The following ITGB1 variants were observed in gnomAD, a reference collection of about 807,000 sequenced individuals.
The protein encoded by ITGB1 is integrin beta-1.
A neutral mutation model predicts 86.5 loss-of-function variants in ITGB1; 24 were observed. The ratio of observed to expected loss-of-function variants is 0.28; its 90% CI spans 0.20 to 0.39. The LOEUF (loss-of-function observed/expected upper bound fraction) is 0.39, where lower values mean the gene tolerates loss of function less well. ITGB1 is among the 10% of genes least tolerant of loss of function. ITGB1 has a pLI of 1.00. For synonymous variants in ITGB1, 323 were observed against 316.8 expected (o/e 1.02, Z -0.21); for missense variants, 556 against 946.9 (o/e 0.59, Z 5.42).
At position 32,901,562 on chromosome 10, in the gene ITGB1, G is replaced by A. The variant is rs371573244; in HGVS notation, c.*8C>T. ...CATTCAGTGTTGTGGGATTTGCACG[G>A]GCAGTACTCATTTTCCCTCATACTT... is the stretch of plus-strand genomic sequence containing the variant. On this transcript the variant is annotated 3_prime_UTR_variant, in exon 16 of 16. Coordinates refer to ENST00000302278, the MANE Select transcript of ITGB1 (RefSeq NM_002211.4). The A allele has an allele frequency of 5.8e-6, 9 of 1,549,562 alleles. No individual in the cohort carries two copies. Among genetic ancestry groups the A allele is most frequent in the Non-Finnish European group, 8.0e-6 (9 of 1,126,110 alleles).
At chr10:32,920,489 G>A (rs1394372499) in intron 9 of ITGB1, 104 bp from the exon 10 acceptor site, 4 of 987,416 alleles carry the variant, frequency 4.1e-6, no homozygotes, top group Admixed American at 2.4e-5. Flanking sequence ...TTTCAATAAA[G>A]TATCTACAAG....
chr10:32,924,660 TC>T (rs2094959445), intron 6 of ITGB1, among the ~76,000 whole-genome samples: 1 of 152,038 alleles, frequency 6.6e-6, no homozygotes, highest in Non-Finnish European at 1.5e-5. Context: ...GAGAATGCCC[TC>T]CCCACAACGA....
At chr10:32,945,981 G>C (rs954125513) in intron 1 of ITGB1, among the ~76,000 whole-genome samples, 1 of 152,096 alleles carries the variant, frequency 6.6e-6, no homozygotes, top group East Asian at 1.9e-4. Context: ...TATGTATTGA[G>C]GGTTATAATT....
At chr10:32,944,823 C>A in intron 1 of ITGB1, 1 of 979,774 alleles carries the variant, frequency 1.0e-6, no homozygotes, top group Non-Finnish European at 1.6e-6. Flanking sequence ...CCTCCCAAAA[C>A]TGTGGGCACT....
rs1210601662 is a variant in ITGB1, at chr10:32,908,267, G to A, written c.2331+101C>T. 73 of 1,148,982 alleles carry A rather than the reference G, an allele frequency of 6.4e-5. No homozygotes were observed. In the East Asian group the frequency reaches 1.7e-3, roughly 27 times the overall value. The allele number at this position is 1,148,982 out of a possible 1,614,324, so 71.2% of individuals were successfully genotyped here. A position where few individuals can be genotyped will look rare whatever the true frequency, so the allele number is the denominator to read the frequency against. On this transcript the variant is annotated intron_variant, in intron 15 of 15. Transcript: ENST00000302278. ...AACTTTTGGGGGAATAAAATACTTA[G>A]AAAGGACTTTAATAATCAGCCTGAC...
intron 8 of ITGB1, 132 bp from the exon 9 acceptor site, chr10:32,922,478 G>A: frequency 1.3e-6 from 1 of 782,244 alleles, no homozygotes. Flanking sequence ...GTCAAACCTA[G>A]AAACCAGTTT....
chr10:32,932,383 A>G, intron 3 of ITGB1, 132 bp downstream of exon 3: 2 of 604,182 alleles, frequency 3.3e-6, no homozygotes, highest in Non-Finnish European at 6.0e-6. Flanking sequence ...GTTGAACCAC[A>G]TAGCTCCAAA....
chr10:32,937,649 AAAGAT>A (rs1317907327), intron 1 of ITGB1, among the ~76,000 whole-genome samples: 8 of 152,272 alleles, frequency 5.3e-5, no homozygotes, highest in African/African-American at 1.9e-4. Context: ...CAAAAGAAAA[AAAGAT>A]GAGAAGAATA....
chr10:32,938,614 C>T (rs1031273775), intron 1 of ITGB1, among the ~76,000 whole-genome samples: 8 of 152,300 alleles, frequency 5.3e-5, no homozygotes, highest in East Asian at 3.9e-4. Context: ...GCTCCAAACC[C>T]GGAAGCAGGC....
chr10:32,955,565 C>T (rs752437622), intron 1 of ITGB1: 1 of 152,182 alleles, frequency 6.6e-6, no homozygotes, highest in Non-Finnish European at 1.5e-5. Flanking sequence ...TAAGCCATAA[C>T]TTACTTATCA....
chr10:32,911,682 C>T lies in ITGB1; in HGVS notation c.1709-12G>A, dbSNP rs367590858. Reference sequence around the variant, plus strand: ...GCAAACACCATTTCCTGCAATTAAGCATATCATTTCTCAAAATGGTAAAAA... The same window carrying T: ...GCAAACACCATTTCCTGCAATTAAGTATATCATTTCTCAAAATGGTAAAAA... On this transcript the variant is annotated splice_polypyrimidine_tract_variant and intron_variant, in intron 12 of 15. Transcript: ENST00000302278. 2.4e-5 allele frequency: 38 copies of T among 1,611,258 alleles called. No homozygotes were observed. In the African/African-American group the frequency reaches 2.5e-4, roughly 11 times the overall value.
intron 11 of ITGB1, among the ~76,000 whole-genome samples, chr10:32,912,973 AG>A (rs1289857980): frequency 1.3e-5 from 2 of 152,224 alleles, no homozygotes; most frequent in Non-Finnish European, 2.9e-5. Context: ...TTCCAGAGGA[AG>A]GATCAGGCAG....
chr10:32,951,554 T>C (rs940281422), intron 1 of ITGB1: 8 of 151,912 alleles, frequency 5.3e-5, no homozygotes, highest in African/African-American at 1.9e-4. Context: ...AGCAGAAAAA[T>C]ACACTATAAA....
At chr10:32,954,086 G>A (rs2095047847) in intron 1 of ITGB1, among the ~76,000 whole-genome samples, 1 of 152,036 alleles carries the variant, frequency 6.6e-6, no homozygotes, top group Admixed American at 6.6e-5. Context: ...ACAGCCTATA[G>A]CTTCAACCAG....
chr10:32,945,679 G>GT (rs539503809), intron 1 of ITGB1, among the ~76,000 whole-genome samples: 210 of 152,172 alleles, frequency 1.4e-3, no homozygotes, highest in African/African-American at 4.9e-3. Flanking sequence ...TTTGGGGAAA[G>GT]TATCTCATCA....
At chr10:32,922,219 G>T in intron 9 of ITGB1, 38 bp downstream of exon 9, 6 of 1,221,846 alleles carry the variant, frequency 4.9e-6, no homozygotes, top group East Asian at 5.0e-5. Context: ...TCTCAACAGG[G>T]TATTGTCCAA....
chr10:32,937,227 C>T (rs1276351643), intron 1 of ITGB1, among the ~76,000 whole-genome samples: 2 of 152,168 alleles, frequency 1.3e-5, no homozygotes, highest in East Asian at 1.9e-4. Context: ...AGTTTAGGGA[C>T]TTATTAGTCA....
intron 11 of ITGB1, among the ~76,000 whole-genome samples, chr10:32,914,164 G>A (rs1344608979): frequency 6.6e-6 from 1 of 152,174 alleles, no homozygotes; most frequent in Non-Finnish European, 1.5e-5. Flanking sequence ...CCTGAAGGAA[G>A]CACTAAACAT....
chr10:32,913,637 A>T (rs1051784219), intron 11 of ITGB1, among the ~76,000 whole-genome samples: 1 of 152,226 alleles, frequency 6.6e-6, no homozygotes, highest in Non-Finnish European at 1.5e-5. Context: ...AAAGAAACGA[A>T]CAAAGCCTCC....
Sources: allele counts gnomAD v4.1 joint callset (sites outside exome capture counted in the v4.1 genomes callset), GRCh38; gene constraint gnomAD v4.1.1; transcripts MANE v1.5; gene names NCBI Gene and HGNC (gene_info 2026-07-23, HGNC 2026-07-21).